The following CDH22 variants were observed in gnomAD, a reference collection of about 807,000 sequenced individuals.
CDH22 encodes cadherin 22, also known as cadherin-22.
Under a neutral mutation model 58.4 loss-of-function variants are expected in CDH22, and 30 were observed. That is an observed-to-expected ratio of 0.51 (90% CI 0.38 to 0.70). The LOEUF (loss-of-function observed/expected upper bound fraction) is 0.70, where lower values mean the gene tolerates loss of function less well. Among genes scored for constraint, CDH22 ranks in the 30% least tolerant of loss-of-function variants. CDH22 has a pLI of 0.00. For synonymous variants in CDH22, 513 were observed against 558.2 expected (o/e 0.92, Z 1.14); for missense variants, 1,014 against 1,233.9 (o/e 0.82, Z 2.67).
At chr20:46,211,490 G>T (rs2086043225) in intron 6 of CDH22, among the ~76,000 whole-genome samples, 1 of 152,192 alleles carries the variant, frequency 6.6e-6, no homozygotes, top group Non-Finnish European at 1.5e-5. Flanking sequence ...GCCTAGGAGT[G>T]AGTGGTGGAC....
intron 8 of CDH22, among the ~76,000 whole-genome samples, chr20:46,190,196 A>T (rs1450315354): frequency 6.6e-6 from 1 of 152,276 alleles, no homozygotes; most frequent in Non-Finnish European, 1.5e-5. Flanking sequence ...TTTCCAATTC[A>T]TAACACTCTC....
At chr20:46,270,628 G>C (rs1344795985) in intron 1 of CDH22, among the ~76,000 whole-genome samples, 1 of 152,134 alleles carries the variant, frequency 6.6e-6, no homozygotes, top group Non-Finnish European at 1.5e-5. Context: ...GGCACTGCAG[G>C]TGTTGAAGGA....
chr20:46,274,663 A>T (rs1484692866), intron 1 of CDH22, among the ~76,000 whole-genome samples: 1 of 152,226 alleles, frequency 6.6e-6, no homozygotes, highest in East Asian at 1.9e-4. Context: ...ATAGCCAAAA[A>T]GCAGAAACAA....
intron 5 of CDH22, 148 bp from the exon 6 acceptor site, chr20:46,213,336 G>T: frequency 1.6e-6 from 1 of 614,000 alleles, no homozygotes; most frequent in Non-Finnish European, 2.9e-6. Context: ...AATGGGGGCT[G>T]GGAGAGGAAT....
At chr20:46,265,578 A>G (rs959450238) in intron 1 of CDH22, among the ~76,000 whole-genome samples, 1 of 151,854 alleles carries the variant, frequency 6.6e-6, no homozygotes, top group African/African-American at 2.4e-5. Context: ...TTGTCTCCCA[A>G]CTATGCATTT....
At chr20:46,258,788 GAC>G (rs1381105210) in intron 1 of CDH22, among the ~76,000 whole-genome samples, 10 of 152,214 alleles carry the variant, frequency 6.6e-5, no homozygotes, top group African/African-American at 4.8e-5. Flanking sequence ...CACTCTGTGG[GAC>G]ACACACAGGA....
At chr20:46,226,427 A>G (rs551759171) in intron 4 of CDH22, among the ~76,000 whole-genome samples, 24 of 151,704 alleles carry the variant, frequency 1.6e-4, no homozygotes, top group African/African-American at 5.8e-4. Flanking sequence ...CTGGGACTAG[A>G]GGCACCTGTC....
At position 46,241,334 on chromosome 20, in the gene CDH22, C is replaced by T. The variant is rs1455029071; in HGVS notation, c.256-77G>A. 5 of 1,257,678 alleles carry T rather than the reference C, an allele frequency of 4.0e-6. No individual in the cohort carries two copies. Among genetic ancestry groups the T allele is most frequent in the African/African-American group, 3.0e-5 (2 of 66,430 alleles). 77.9% of individuals were successfully genotyped at this position (1,257,678 alleles called of 1,614,324 possible). ...TGGCCTCACTGTCTCATGCCATTGG[C>T]TGCCTATTCCTAAGCCCATCTCTTC... On this transcript the variant is annotated intron_variant, in intron 2 of 11. Coordinates refer to ENST00000537909, the MANE Select transcript of CDH22 (RefSeq NM_021248.3). The surrounding 1 kb of genome is among the most constrained non-coding windows in gnomAD (Gnocchi z 5.2).
In CDH22 at chr20:46,227,483, CCTCTG is replaced by C; in HGVS notation, c.670+20_670+24del. The stretch of plus-strand genomic sequence containing the variant: ...CCCCTGGCCCCGCCCCACGGCTCCG[CCTCTG>C]GCCCCGCCCTGCCCCTCACCGGTCT... On this transcript the variant is annotated intron_variant, in intron 4 of 11. Transcript: ENST00000537909. The C allele has an allele frequency of 6.4e-7, 1 of 1,557,482 alleles. No individual in the cohort carries two copies.
At chr20:46,203,025 GCTCCTCCTCCTC>G (rs1164214493) in intron 7 of CDH22, among the ~76,000 whole-genome samples, 3 of 152,110 alleles carry the variant, frequency 2.0e-5, no homozygotes, top group African/African-American at 7.2e-5. Context: ...TGCTGCTGCT[GCTCCTCCTCCTC>G]CTCTTCCTCC....
chr20:46,291,610 T>C (rs1271452978), intron 1 of CDH22, among the ~76,000 whole-genome samples: 1 of 152,218 alleles, frequency 6.6e-6, no homozygotes, highest in African/African-American at 2.4e-5. Flanking sequence ...TCTCCCGAGA[T>C]AGGTGCTCTT....
intron 8 of CDH22, among the ~76,000 whole-genome samples, chr20:46,189,390 C>G (rs1345834046): frequency 6.6e-6 from 1 of 152,302 alleles, no homozygotes; most frequent in East Asian, 1.9e-4. Flanking sequence ...CAGCCAGGAA[C>G]AGGCGCCTCT....
At chr20:46,202,604 C>T (rs1343117003) in intron 7 of CDH22, among the ~76,000 whole-genome samples, 4 of 152,294 alleles carry the variant, frequency 2.6e-5, no homozygotes, top group South Asian at 4.1e-4. Flanking sequence ...CCGCCCGCCT[C>T]GGCCTCCCAA....
At chr20:46,246,591 C>T (rs1280955908) in intron 2 of CDH22, among the ~76,000 whole-genome samples, 1 of 152,020 alleles carries the variant, frequency 6.6e-6, no homozygotes, top group African/African-American at 2.4e-5. Flanking sequence ...AGAGGTGGGC[C>T]AGGGTTGCCA....
intron 10 of CDH22, among the ~76,000 whole-genome samples, chr20:46,182,224 T>C (rs189623876): frequency 3.2e-4 from 49 of 152,316 alleles, no homozygotes; most frequent in Admixed American, 2.7e-3. Flanking sequence ...CAAGTAGGAA[T>C]TGAGCATCAT....
At chr20:46,255,439 G>GA (rs1437685048) in intron 1 of CDH22, among the ~76,000 whole-genome samples, 4 of 152,174 alleles carry the variant, frequency 2.6e-5, no homozygotes, top group African/African-American at 2.4e-5. Context: ...TGGGGAATGG[G>GA]AAAAAATGCA....
intron 1 of CDH22, among the ~76,000 whole-genome samples, chr20:46,295,372 C>T (rs1003007647): frequency 4.6e-5 from 7 of 152,330 alleles, no homozygotes; most frequent in South Asian, 4.1e-4. Context: ...CTGAGCTCTC[C>T]GCTGTCCACT....
At chr20:46,260,985 C>A (rs563907527) in intron 1 of CDH22, among the ~76,000 whole-genome samples, 2 of 152,158 alleles carry the variant, frequency 1.3e-5, no homozygotes, top group African/African-American at 4.8e-5. Context: ...CCCCTGCCTC[C>A]TCCCCCAAAT....
chr20:46,235,072 A>C (rs922514169), intron 3 of CDH22, among the ~76,000 whole-genome samples: 2 of 152,246 alleles, frequency 1.3e-5, no homozygotes, highest in Non-Finnish European at 2.9e-5. Flanking sequence ...GGTGCTAATA[A>C]ACATTTGTGG....
Sources: allele counts gnomAD v4.1 joint callset (sites outside exome capture counted in the v4.1 genomes callset), GRCh38; gene constraint gnomAD v4.1.1; non-coding constraint Gnocchi (gnomAD v3.1); transcripts MANE v1.5; gene names NCBI Gene and HGNC (gene_info 2026-07-23, HGNC 2026-07-21).